The following DYDC2 variants were observed in gnomAD, a reference collection of about 807,000 sequenced individuals.
The protein encoded by DYDC2 is DPY30 domain containing 2, also known as DPY30 domain-containing protein 2.
A neutral mutation model predicts 18.7 loss-of-function variants in DYDC2; 19 were observed. The ratio of observed to expected loss-of-function variants is 1.02; its 90% CI spans 0.71 to 1.49. The LOEUF (loss-of-function observed/expected upper bound fraction) is 1.49, where lower values mean the gene tolerates loss of function less well. Ranked by LOEUF, DYDC2 falls within the 40% of genes most tolerant of loss-of-function variation. DYDC2 has a pLI of 0.00. For missense variants in DYDC2, 179 were observed against 205.1 expected, an observed-to-expected ratio of 0.87 and a Z score of 0.78; for synonymous variants, 63 against 67.6, an observed-to-expected ratio of 0.93 and a Z score of 0.34.
Position 80,358,069 on chromosome 10 carries a change from G to A in DYDC2, c.-10+24G>A, listed in dbSNP as rs1480426383. On this transcript the variant is annotated intron_variant, in intron 2 of 4. Transcript: ENST00000256039. Reference sequence around the variant, plus strand: ...TGGTGAGTGTACCCTAAGTTGGTCTGAGTGGGCTTTAAAAGGCATCCCCTT... The same window carrying A: ...TGGTGAGTGTACCCTAAGTTGGTCTAAGTGGGCTTTAAAAGGCATCCCCTT... 6.1e-6 allele frequency: 6 copies of A among 985,418 alleles called. No individual in the cohort carries two copies. In the Admixed American group the frequency reaches 3.7e-4, roughly 61 times the overall value. 61.0% of individuals were successfully genotyped at this position (985,418 alleles called of 1,614,324 possible).
Position 80,367,708 on chromosome 10 carries a change from A to T in DYDC2, c.*757A>T, listed in dbSNP as rs1385911109. The T allele has an allele frequency of 6.6e-6, 1 of 152,096 alleles. No individual in the cohort carries two copies. Among genetic ancestry groups the T allele is most frequent in the Non-Finnish European group, 1.5e-5 (1 of 68,012 alleles). 9.4% of individuals were successfully genotyped at this position (152,096 alleles called of 1,614,324 possible). A position where few individuals can be genotyped will look rare whatever the true frequency, so the allele number is the denominator to read the frequency against. On this transcript the variant is annotated 3_prime_UTR_variant, in exon 5 of 5. Coordinates refer to ENST00000256039, the MANE Select transcript of DYDC2 (RefSeq NM_032372.6). ...ACTTCACAGTCAGGCCTCTCCGAGT[A>T]TTTTTTACACATATCCTGGAGTCTA...
chr10:80,352,448 T>C (rs1843053574), upstream of DYDC2: 1 of 1,592,170 alleles, frequency 6.3e-7, no homozygotes, highest in Non-Finnish European at 8.5e-7. Context: ...AGGAGATTCC[T>C]ACTTACCAGT....
chr10:80,359,536 C>T (rs892968711), intron 2 of DYDC2, among the ~76,000 whole-genome samples: 5 of 152,116 alleles, frequency 3.3e-5, no homozygotes, highest in African/African-American at 4.8e-5. Flanking sequence ...GACCGGGCAC[C>T]GCGGAGCAGT....
chr10:80,357,493 C>A (rs960541511), intron 1 of DYDC2, among the ~76,000 whole-genome samples: 1 of 152,108 alleles, frequency 6.6e-6, no homozygotes, highest in Non-Finnish European at 1.5e-5. Context: ...CCAGGAAGGG[C>A]AGCCAATCGG....
chr10:80,358,574 G>A (rs1383385093), intron 2 of DYDC2, among the ~76,000 whole-genome samples: 1 of 152,204 alleles, frequency 6.6e-6, no homozygotes, highest in Non-Finnish European at 1.5e-5. Context: ...TGTAACCAGT[G>A]TGGCAGCCAC....
At chr10:80,356,546 GC>G, upstream of DYDC2, 1 of 985,528 alleles carries the variant, frequency 1.0e-6, no homozygotes, top group Non-Finnish European at 1.2e-6. Flanking sequence ...CAGGAGGACA[GC>G]TGGCCGCTTT....
chr10:80,357,094 G>A (rs1191010356), intron 1 of DYDC2, among the ~76,000 whole-genome samples: 1 of 144,710 alleles, frequency 6.9e-6, no homozygotes, highest in Non-Finnish European at 1.5e-5. Context: ...CCAGAGAGGA[G>A]GGGGCGTTCA....
At chr10:80,353,755 G>A (rs1209949171), upstream of DYDC2, among the ~76,000 whole-genome samples, 1 of 151,908 alleles carries the variant, frequency 6.6e-6, no homozygotes, top group Non-Finnish European at 1.5e-5. Flanking sequence ...CTGGGATGAT[G>A]ATACCCATTT....
intron 2 of DYDC2, 67 bp downstream of exon 2, chr10:80,358,112 C>T: frequency 1.0e-6 from 1 of 968,002 alleles, no homozygotes; most frequent in Non-Finnish European, 1.2e-6. Context: ...CGCGGTGGCT[C>T]ACCGCCTGTA....
intron 1 of DYDC2, 141 bp downstream of exon 1, chr10:80,356,966 G>T: frequency 1.7e-6 from 1 of 591,060 alleles, no homozygotes; most frequent in South Asian, 7.4e-5. Flanking sequence ...GGGCGTGCAG[G>T]AGTAGGAGCC....
chr10:80,356,295 A>G (rs1484457983), upstream of DYDC2: 23 of 985,510 alleles, frequency 2.3e-5, no homozygotes, highest in Non-Finnish European at 2.8e-5. Flanking sequence ...CCTTTCCCAC[A>G]GAAACAGCTG....
At chr10:80,349,637 C>T (rs572339833) in intron 1 of DYDC2, among the ~76,000 whole-genome samples, 21 of 152,312 alleles carry the variant, frequency 1.4e-4, no homozygotes, top group Admixed American at 3.3e-4. Flanking sequence ...TTTCAATCAA[C>T]TTTCAGACAT....
intron 1 of DYDC2, among the ~76,000 whole-genome samples, chr10:80,347,246 A>C (rs1434262065): frequency 7.9e-6 from 1 of 127,008 alleles, no homozygotes; most frequent in Non-Finnish European, 1.7e-5. Flanking sequence ...ATGTCTATTT[A>C]GGTCCTTTGC....
intron 2 of DYDC2, among the ~76,000 whole-genome samples, chr10:80,358,638 C>G (rs769430954): frequency 6.6e-6 from 1 of 152,152 alleles, no homozygotes; most frequent in East Asian, 1.9e-4. Context: ...AAGGACAGTT[C>G]TACAGTGATC....
intron 4 of DYDC2, among the ~76,000 whole-genome samples, chr10:80,366,474 A>G (rs1843841493): frequency 6.6e-6 from 1 of 152,222 alleles, no homozygotes; most frequent in Non-Finnish European, 1.5e-5. Flanking sequence ...GTTGTTTTCC[A>G]TGAAAAGATG....
At chr10:80,352,521 C>T (rs764398748), upstream of DYDC2, 8 of 1,613,444 alleles carry the variant, frequency 5.0e-6, no homozygotes, top group Non-Finnish European at 6.8e-6. Flanking sequence ...CTATCGGATC[C>T]ACTGGGCGAA....
intron 2 of DYDC2, 92 bp from the exon 3 acceptor site, chr10:80,362,343 C>T (rs948792267): frequency 1.6e-5 from 24 of 1,476,344 alleles, no homozygotes; most frequent in Non-Finnish European, 2.2e-5. Flanking sequence ...TCATATTTAT[C>T]CTGAAATAAA....
chr10:80,359,063 A>G (rs1843577142), intron 2 of DYDC2, among the ~76,000 whole-genome samples: 1 of 152,224 alleles, frequency 6.6e-6, no homozygotes, highest in African/African-American at 2.4e-5. Flanking sequence ...AGCAGGTTGC[A>G]GCTGCTGGCT....
At chr10:80,354,732 T>C (rs973084686), upstream of DYDC2, among the ~76,000 whole-genome samples, 7 of 152,034 alleles carry the variant, frequency 4.6e-5, no homozygotes, top group Non-Finnish European at 1.0e-4. Context: ...CTCTCTGCCA[T>C]CTGAGAATAA....
Sources: allele counts gnomAD v4.1 joint callset (sites outside exome capture counted in the v4.1 genomes callset), GRCh38; gene constraint gnomAD v4.1.1; transcripts MANE v1.5; gene names NCBI Gene and HGNC (gene_info 2026-07-23, HGNC 2026-07-21).